TINCR: variants seen among roughly 807,000 people sequenced by gnomAD.
TINCR encodes TINCR ubiquitin domain containing.
rs558586587 is a variant in TINCR, at chr19:5,563,951, C to T, written c.261-1002G>A. ...AATAATAAATAAATAAAAGCATCCT[C>T]GCCAGGGGACAGCGGTAAGGCCACG... On this transcript the variant is annotated intron_variant, in intron 1 of 1. Coordinates refer to ENST00000646160, the Ensembl canonical transcript of TINCR. This position sits in a 1 kb window ranked among gnomAD's most constrained non-coding sequence, Gnocchi z 4.7. Among the ~76,000 whole-genome samples the T allele has an allele frequency of 2.8e-4, 43 of 152,242 alleles. No individual in the cohort carries two copies. Among genetic ancestry groups the T allele is most frequent in the African/African-American group, 1.0e-3 (43 of 41,556 alleles).
At chr19:5,564,960 C>T (rs2052120611) in intron 1 of TINCR, among the ~76,000 whole-genome samples, 1 of 152,166 alleles carries the variant, frequency 6.6e-6, no homozygotes, top group African/African-American at 2.4e-5. Context: ...GTCTCCAGCC[C>T]TCCCCCCATC....
At position 5,565,538 on chromosome 19, in the gene TINCR, C is replaced by G. The variant is rs942043604; in HGVS notation, c.260+2127G>C. ...ATGCTGACTCTGTACTGCATAATTA[C>G]AGTCTGGACGTCTGAGGGTCGTCCA... On this transcript the variant is annotated intron_variant, in intron 1 of 1. Transcript: ENST00000646160. The surrounding 1 kb of genome is among the most constrained non-coding windows in gnomAD (Gnocchi z 4.0). 6.6e-6 allele frequency among the ~76,000 whole-genome samples: 1 copy of G among 152,188 alleles called. No homozygotes were observed. Among genetic ancestry groups the G allele is most frequent in the South Asian group, 2.1e-4 (1 of 4,834 alleles).
exon 1 of TINCR, chr19:5,567,812 C>T (rs975417875): frequency 2.5e-6 from 1 of 394,418 alleles, no homozygotes; most frequent in Non-Finnish European, 4.5e-6. Flanking sequence ...GCGCAGGTCG[C>T]TGAGCGTGTC....
downstream of TINCR, chr19:5,558,988 G>A (rs1342095171): frequency 6.6e-6 from 1 of 152,330 alleles, no homozygotes; most frequent in Non-Finnish European, 1.5e-5. Context: ...GAAGACGGAG[G>A]AAGGAAAAGG....
At chr19:5,566,650 G>GGA (rs1480132834) in intron 1 of TINCR, among the ~76,000 whole-genome samples, 1 of 150,812 alleles carries the variant, frequency 6.6e-6, no homozygotes, top group Non-Finnish European at 1.5e-5. Context: ...AGAGAGACAG[G>GGA]GAGAGAGAGA....
chr19:5,566,959 G>GAGAGAC (rs902765674), intron 1 of TINCR, among the ~76,000 whole-genome samples: 2 of 151,872 alleles, frequency 1.3e-5, no homozygotes, highest in African/African-American at 2.4e-5. Context: ...ACAGAGAAAA[G>GAGAGAC]AGAGACAGAG....
At chr19:5,564,836 C>G (rs1399525516) in intron 1 of TINCR, among the ~76,000 whole-genome samples, 1 of 152,230 alleles carries the variant, frequency 6.6e-6, no homozygotes, top group Non-Finnish European at 1.5e-5. Context: ...CCTTGGCCCC[C>G]CAAAGTGCTG....
chr19:5,567,480 CAG>C (rs960659639), intron 1 of TINCR, among the ~76,000 whole-genome samples, 183 bp downstream of exon 1: 9 of 152,224 alleles, frequency 5.9e-5, no homozygotes, highest in African/African-American at 1.4e-4. Context: ...CAGGCACAGA[CAG>C]AGAGCCCGAA....
At chr19:5,567,010 A>C (rs187177016) in intron 1 of TINCR, among the ~76,000 whole-genome samples, 116 of 152,180 alleles carry the variant, frequency 7.6e-4, no homozygotes, top group Non-Finnish European at 1.4e-3. Flanking sequence ...AGGGAAAGAA[A>C]TAAACAGAGG....
chr19:5,560,962 C>T (rs2052098880), downstream of TINCR: 1 of 154,120 alleles, frequency 6.5e-6, no homozygotes, highest in Non-Finnish European at 1.5e-5. This position sits in a 1 kb window ranked among gnomAD's most constrained non-coding sequence, Gnocchi z 4.5. Flanking sequence ...TCTGAGAAGA[C>T]TTCCTGGAGG....
At chr19:5,566,842 GGGAGACAGAGACCAGAGAGGGAGA>G (rs2052132386) in intron 1 of TINCR, among the ~76,000 whole-genome samples, 1 of 151,690 alleles carries the variant, frequency 6.6e-6, no homozygotes, top group Non-Finnish European at 1.5e-5. Context: ...GACCAAAATG[GGGAGACAGAGACCAGAGAGGGAGA>G]CAGAAAAGAG....
rs545046563 is a variant in TINCR at position 5,563,175 on chromosome 19, A to T, written c.261-226T>A. Among the ~76,000 whole-genome samples the T allele has an allele frequency of 2.5e-4, 38 of 152,042 alleles. No individual in the cohort carries two copies. Among genetic ancestry groups the T allele is most frequent in the South Asian group, 1.5e-3 (7 of 4,814 alleles). On this transcript the variant is annotated intron_variant, in intron 1 of 1. Transcript: ENST00000646160. The surrounding 1 kb of genome is among the most constrained non-coding windows in gnomAD (Gnocchi z 4.7). Reference sequence around the variant, plus strand: ...ATCCAGGGTCTTGCAAGCCTCAGGAAGGACTTGGGCTTTGACCCTGAGGGA... The same window carrying T: ...ATCCAGGGTCTTGCAAGCCTCAGGATGGACTTGGGCTTTGACCCTGAGGGA...
At chr19:5,559,635 G>A (rs114008877), downstream of TINCR, 1,473 of 152,350 alleles carry the variant, frequency 9.7e-3, 39 homozygotes, top group Admixed American at 0.05. Flanking sequence ...GCGCCTGGCC[G>A]GCTGTCAATC....
chr19:5,564,722 C>T (rs1375703073), intron 1 of TINCR, among the ~76,000 whole-genome samples: 3 of 152,190 alleles, frequency 2.0e-5, no homozygotes, highest in Non-Finnish European at 2.9e-5. Flanking sequence ...GGATTACAGG[C>T]GTATATCACT....
At chr19:5,564,367 G>A (rs1045043399) in intron 1 of TINCR, among the ~76,000 whole-genome samples, 1 of 152,170 alleles carries the variant, frequency 6.6e-6, no homozygotes, top group African/African-American at 2.4e-5. Context: ...GGAGTGGTCT[G>A]GGGAGCTCAG....
At chr19:5,559,026 T>C (rs956626952), downstream of TINCR, 1 of 152,290 alleles carries the variant, frequency 6.6e-6, no homozygotes. Flanking sequence ...CAGGTCATCA[T>C]CAAGGGACAG....
At chr19:5,560,403 A>C (rs2052095100), downstream of TINCR, 2 of 152,234 alleles carry the variant, frequency 1.3e-5, no homozygotes. The surrounding 1 kb of genome is among the most constrained non-coding windows in gnomAD (Gnocchi z 4.5). Context: ...GCCTCCGCCC[A>C]TGGTGCCTGG....
chr19:5,567,284 AAG>A (rs2052135181), intron 1 of TINCR, among the ~76,000 whole-genome samples: 1 of 151,920 alleles, frequency 6.6e-6, no homozygotes, highest in Non-Finnish European at 1.5e-5. Context: ...GAAAGAGACA[AAG>A]AGAGGCACAG....
downstream of TINCR, chr19:5,559,126 A>T (rs1458795084): frequency 6.6e-6 from 1 of 152,150 alleles, no homozygotes; most frequent in Non-Finnish European, 1.5e-5. Context: ...TGATTTGCAT[A>T]CTGTTTGTTA....
Sources: gnomAD v4.1 joint callset for allele counts (sites outside exome capture counted in the v4.1 genomes callset) on GRCh38, gnomAD v4.1.1 for gene constraint, Gnocchi (gnomAD v3.1) non-coding constraint, MANE v1.5 for transcripts, NCBI Gene and HGNC (gene_info 2026-07-23, HGNC 2026-07-21) for gene names.